The following NPNT variants were observed in gnomAD, a reference collection of about 807,000 sequenced individuals.
NPNT encodes preosteoblast EGF-like repeat protein with MAM domain.
A neutral mutation model predicts 68.6 loss-of-function variants in NPNT; 45 were observed. The observed-to-expected ratio is 0.66, with a 90% CI of 0.52 to 0.84. The LOEUF (loss-of-function observed/expected upper bound fraction) is 0.84. NPNT is among the 40% of genes least tolerant of loss of function. NPNT has a pLI of 0.00. For synonymous variants in NPNT, 233 were observed against 253.3 expected, an observed-to-expected ratio of 0.92 and a Z score of 0.76; for missense variants, 672 against 714.8, an observed-to-expected ratio of 0.94 and a Z score of 0.68.
intron 2 of NPNT, chr4:105,911,911 G>C (rs1236013397): frequency 8.7e-6 from 3 of 343,498 alleles, no homozygotes; most frequent in Non-Finnish European, 1.6e-5. Flanking sequence ...CATCACAAAA[G>C]GTCTGAAATA....
intron 8 of NPNT, among the ~76,000 whole-genome samples, chr4:105,943,977 A>G (rs1000278080): frequency 1.3e-5 from 2 of 152,152 alleles, no homozygotes; most frequent in Admixed American, 1.3e-4. Flanking sequence ...ACCATCTCAA[A>G]AAAATGAATA....
At chr4:105,927,538 T>A in intron 3 of NPNT, 110 bp downstream of exon 3, 1 of 531,822 alleles carries the variant, frequency 1.9e-6, no homozygotes, top group Non-Finnish European at 3.3e-6. Flanking sequence ...CCAAAATATG[T>A]GAGCTGCCAT....
rs1726812729 is a variant in NPNT at position 105,905,447 on chromosome 4, C to T, written c.172+7446C>T. On this transcript the variant is annotated intron_variant, in intron 2 of 11. Coordinates refer to ENST00000379987, the MANE Select transcript of NPNT (RefSeq NM_001033047.3). ...AGGCTACCACTGTTTCCTATTGATC[C>T]TTGTAGAGATTTCTTAACATTTTCA... Among the ~76,000 whole-genome samples, 3 of 152,246 alleles carry T rather than the reference C, an allele frequency of 2.0e-5. No individual in the cohort carries two copies. The South Asian group carries it at 6.2e-4, about 32-fold the overall frequency.
At chr4:105,966,756 T>G (rs1732175413) in intron 10 of NPNT, among the ~76,000 whole-genome samples, 1 of 152,046 alleles carries the variant, frequency 6.6e-6, no homozygotes, top group African/African-American at 2.4e-5. Context: ...CAGAGGTTAA[T>G]TATCCACCAG....
chr4:105,958,011 G>A (rs1222714924), intron 8 of NPNT, among the ~76,000 whole-genome samples: 5 of 152,074 alleles, frequency 3.3e-5, no homozygotes, highest in South Asian at 2.1e-4. Context: ...AACAATGTGC[G>A]GAGTTCACTG....
In NPNT at chr4:105,897,985, T is replaced by C. The variant is rs769744818; in HGVS notation, c.156T>C (p.Ser52=). 1 of 1,609,976 alleles carries C rather than the reference T, an allele frequency of 6.2e-7. No individual in the cohort carries two copies. Among genetic ancestry groups the C allele is most frequent in the South Asian group, 1.1e-5 (1 of 90,336 alleles). The part of the protein sequence containing the change: ...IDCCWGWARQ[S]WGQCQPVCQP... ...GCTGCTGGGGCTGGGCTCGCCAGTC[T>C]TGGGGACAGTGTCAGCGTGAGTATC... Residue 52 remains serine, a synonymous_variant, in exon 2 of 12, where the codon TCT becomes TCC. Transcript: ENST00000379987.
At chr4:105,953,176 A>T (rs1270193945) in intron 8 of NPNT, among the ~76,000 whole-genome samples, 3 of 152,154 alleles carry the variant, frequency 2.0e-5, no homozygotes, top group Non-Finnish European at 4.4e-5. Flanking sequence ...AAAAGAAAAA[A>T]AATTATCCTG....
chr4:105,966,889 T>C (rs13135336), intron 10 of NPNT, among the ~76,000 whole-genome samples: 89,646 of 151,958 alleles, frequency 0.59, 26,992 homozygotes, highest in East Asian at 0.78. Flanking sequence ...TATATGTTGT[T>C]GTATGCCTAT....
intron 8 of NPNT, among the ~76,000 whole-genome samples, chr4:105,945,136 T>C (rs1049530312): frequency 1.3e-5 from 2 of 151,788 alleles, no homozygotes; most frequent in East Asian, 2.0e-4. Context: ...TTTCTTTACA[T>C]TGAAAGATAT....
intron 1 of NPNT, 37 bp from the exon 2 acceptor site, chr4:105,897,864 A>C (rs1266396958): frequency 1.3e-6 from 2 of 1,505,946 alleles, no homozygotes; most frequent in Admixed American, 3.3e-5. Context: ...TCTTCTCAAA[A>C]GTGTCCTTAT....
chr4:105,905,074 C>CT (rs796088730), intron 2 of NPNT, among the ~76,000 whole-genome samples: 79 of 144,280 alleles, frequency 5.5e-4, no homozygotes, highest in Middle Eastern at 3.5e-3. Context: ...ATAGTATGGG[C>CT]TTTTTTTTTT....
Position 105,968,919 on chromosome 4 carries a change from C to T in NPNT, c.1627C>T (p.Arg543Cys), listed in dbSNP as rs139540458. The change falls in exon 12 of 12, where the codon CGT (arginine) becomes TGT (cysteine). Residue 543 changes from arginine to cysteine, a missense_variant. Coordinates refer to ENST00000379987, the MANE Select transcript of NPNT (RefSeq NM_001033047.3). The stretch of plus-strand genomic sequence containing the variant: ...GGTCGTCTTCAAAGGTGAAAAAAGG[C>T]GTGGTCACACTGGGGAGATTGGATT... ...KSVVFKGEKR[R>C]GHTGEIGLDD... is the part of the protein sequence containing the mutation. The T allele has an allele frequency of 9.6e-5, 154 of 1,612,288 alleles. No individual in the cohort carries two copies. Among genetic ancestry groups the T allele is most frequent in the African/African-American group, 4.5e-4 (34 of 74,966 alleles).
chr4:105,911,358 C>T (rs925179748), intron 2 of NPNT, among the ~76,000 whole-genome samples: 1 of 151,902 alleles, frequency 6.6e-6, no homozygotes, highest in Non-Finnish European at 1.5e-5. Context: ...AAGGAAGGCC[C>T]CATTCACCTA....
At chr4:105,908,849 CA>C (rs1211560058) in intron 2 of NPNT, among the ~76,000 whole-genome samples, 1 of 152,156 alleles carries the variant, frequency 6.6e-6, no homozygotes, top group Non-Finnish European at 1.5e-5. Context: ...AGGTGTGAGC[CA>C]CCGTGCCTGG....
At chr4:105,966,764 CA>C (rs1157110850) in intron 10 of NPNT, among the ~76,000 whole-genome samples, 35 of 152,028 alleles carry the variant, frequency 2.3e-4, no homozygotes, top group African/African-American at 8.4e-4. Flanking sequence ...AATTATCCAC[CA>C]GAAAATTCTC....
chr4:105,957,948 AG>A (rs1313067322), intron 8 of NPNT, among the ~76,000 whole-genome samples: 2 of 152,186 alleles, frequency 1.3e-5, no homozygotes, highest in African/African-American at 2.4e-5. Context: ...TAAAGGAGCC[AG>A]GGAAACTGTT....
intron 1 of NPNT, 51 bp downstream of exon 1, chr4:105,895,774 C>T (rs1342116404): frequency 6.9e-7 from 1 of 1,455,684 alleles, no homozygotes; most frequent in Non-Finnish European, 9.4e-7. Flanking sequence ...TAATTTCACA[C>T]TCACTGTCTT....
chr4:105,965,405 G>A (rs948907390), intron 10 of NPNT, among the ~76,000 whole-genome samples: 10 of 149,158 alleles, frequency 6.7e-5, no homozygotes, highest in African/African-American at 2.5e-4. Flanking sequence ...GGTGCGCACA[G>A]AGTAGCTCTA....
chr4:105,918,732 A>G (rs10014611), intron 2 of NPNT, among the ~76,000 whole-genome samples: 1 of 152,046 alleles, frequency 6.6e-6, no homozygotes, highest in Admixed American at 6.6e-5. Flanking sequence ...TATATCCCCA[A>G]TTTTTAATAT....
Sources: gnomAD v4.1 joint callset for allele counts (sites outside exome capture counted in the v4.1 genomes callset) on GRCh38, gnomAD v4.1.1 for gene constraint, MANE v1.5 for transcripts, NCBI Gene and HGNC (gene_info 2026-07-23, HGNC 2026-07-21) for gene names.